Variants in PDE4D observed in about 807,000 individuals in gnomAD.
PDE4D encodes the protein 3',5'-cyclic-AMP phosphodiesterase 4D.
A neutral mutation model predicts 87.4 loss-of-function variants in PDE4D; 24 were observed. That is an observed-to-expected ratio of 0.27 (90% confidence interval 0.20 to 0.39). PDE4D has a LOEUF of 0.39. Among genes scored for constraint, PDE4D ranks in the 10% least tolerant of loss-of-function variants. The pLI, the probability that PDE4D is intolerant of heterozygous loss-of-function variation, is 1.00. For synonymous variants in PDE4D, 384 were observed against 383.2 expected, an observed-to-expected ratio of 1.00 and a Z score of -0.02; for missense variants, 714 against 1,041.0, an observed-to-expected ratio of 0.69 and a Z score of 4.32.
At chr5:59,573,523 A>T (rs1178189073) in intron 1 of PDE4D, among the ~76,000 whole-genome samples, 2 of 152,084 alleles carry the variant, frequency 1.3e-5, no homozygotes, top group Non-Finnish European at 2.9e-5. Flanking sequence ...TCCCAGGGCG[A>T]ATTTTCCTCA....
chr5:59,232,900 C>T (rs115652216), intron 1 of PDE4D, among the ~76,000 whole-genome samples: 1,800 of 151,940 alleles, frequency 0.012, 8 homozygotes, highest in Non-Finnish European at 0.02. Flanking sequence ...TTTGCAGCAA[C>T]ATGAATTGAC....
intron 3 of PDE4D, among the ~76,000 whole-genome samples, chr5:59,970,101 A>T (rs1033120475): frequency 6.6e-6 from 1 of 152,214 alleles, no homozygotes; most frequent in Non-Finnish European, 1.5e-5. Flanking sequence ...CAACGCTGAT[A>T]AATTTAGCAC....
intron 1 of PDE4D, among the ~76,000 whole-genome samples, chr5:59,728,899 AT>A (rs1235879910): frequency 3.3e-5 from 5 of 151,972 alleles, no homozygotes; most frequent in African/African-American, 9.7e-5. Context: ...TGTGAAAAAA[AT>A]ATTTTATGTT....
intron 1 of PDE4D, among the ~76,000 whole-genome samples, chr5:60,468,871 A>T (rs995034560): frequency 2.6e-5 from 4 of 151,754 alleles, no homozygotes; most frequent in African/African-American, 9.7e-5. Context: ...TCTTCCTGAG[A>T]CCAATCCCTC....
At chr5:59,112,278 A>T (rs1115729) in intron 5 of PDE4D, among the ~76,000 whole-genome samples, 45,525 of 152,022 alleles carry the variant, frequency 0.3, 7,505 homozygotes, top group Middle Eastern at 0.43. Flanking sequence ...GAGAAAGAAG[A>T]GTTAAAAAGA....
chr5:59,069,194 C>T (rs1211791139), intron 5 of PDE4D, among the ~76,000 whole-genome samples: 10 of 152,178 alleles, frequency 6.6e-5, no homozygotes, highest in Admixed American at 4.6e-4. Flanking sequence ...CCATCTTCCT[C>T]CTTATACCTC....
At chr5:60,192,418 AT>A (rs1261261846) in intron 1 of PDE4D, among the ~76,000 whole-genome samples, 2 of 152,174 alleles carry the variant, frequency 1.3e-5, no homozygotes, top group Non-Finnish European at 1.5e-5. Flanking sequence ...ACACTTTTAT[AT>A]CATAATTCAG....
chr5:60,476,420 AG>A (rs1341453477), intron 1 of PDE4D, among the ~76,000 whole-genome samples: 1 of 152,122 alleles, frequency 6.6e-6, no homozygotes, highest in Non-Finnish European at 1.5e-5. Flanking sequence ...CTCCTAACAC[AG>A]CCCCTGCCAT....
At chr5:59,426,548 A>C (rs759756027) in intron 1 of PDE4D, among the ~76,000 whole-genome samples, 5 of 152,116 alleles carry the variant, frequency 3.3e-5, no homozygotes, top group Non-Finnish European at 5.9e-5. Context: ...AGCACAGAGC[A>C]GGCAGCAAGG....
intron 2 of PDE4D, among the ~76,000 whole-genome samples, chr5:60,137,178 A>T (rs1369729764): frequency 1.3e-4 from 20 of 152,172 alleles, no homozygotes; most frequent in Admixed American, 1.3e-3. Context: ...CATGGTGTAT[A>T]TGTACCACAT....
At chr5:59,606,604 T>C (rs1303845854) in intron 1 of PDE4D, among the ~76,000 whole-genome samples, 1 of 152,100 alleles carries the variant, frequency 6.6e-6, no homozygotes, top group Non-Finnish European at 1.5e-5. Context: ...ACCAGAATTG[T>C]CCTGTGGATT....
rs1464915443 is a variant in PDE4D, at chr5:58,975,130, C to T, written c.2014-50G>A. 1.7e-6 allele frequency: 2 copies of T among 1,156,552 alleles called. No homozygotes were observed. Among genetic ancestry groups the T allele is most frequent in the Admixed American group, 3.0e-5 (1 of 33,130 alleles). The allele number at this position is 1,156,552 out of a possible 1,614,324, so 71.6% of individuals were successfully genotyped here. A position where few individuals can be genotyped will look rare whatever the true frequency, so the allele number is the denominator to read the frequency against. ...GAGTAGAGGACTTGGGACTAAGAAA[C>T]AATGGAAAAGCTTAATTAGATCATG... On this transcript the variant is annotated intron_variant, in intron 14 of 14. Coordinates refer to ENST00000340635, the MANE Select transcript of PDE4D (RefSeq NM_001104631.2). The surrounding 1 kb of genome is among the most constrained non-coding windows in gnomAD (Gnocchi z 4.2).
intron 1 of PDE4D, among the ~76,000 whole-genome samples, chr5:59,279,273 T>A (rs1765378729): frequency 1.3e-5 from 2 of 152,162 alleles, no homozygotes; most frequent in South Asian, 4.1e-4. Context: ...CTGCAGTTTT[T>A]ACAGTTTCCT....
At chr5:60,454,894 T>A in intron 1 of PDE4D, among the ~76,000 whole-genome samples, 1 of 149,388 alleles carries the variant, frequency 6.7e-6, no homozygotes, top group Non-Finnish European at 1.5e-5. Context: ...GAGCGGGGAG[T>A]GTAAACAAGA....
chr5:59,359,009 A>G (rs1781810631), intron 1 of PDE4D, among the ~76,000 whole-genome samples: 1 of 152,222 alleles, frequency 6.6e-6, no homozygotes, highest in Admixed American at 6.5e-5. Flanking sequence ...AGCAGTATAC[A>G]TTTTCACAAA....
chr5:60,380,630 A>G (rs1761785938), intron 1 of PDE4D, among the ~76,000 whole-genome samples: 1 of 152,212 alleles, frequency 6.6e-6, no homozygotes, highest in Non-Finnish European at 1.5e-5. Context: ...TGTTTTAGCA[A>G]GTGATACCAA....
chr5:59,224,949 G>A (rs768723569), intron 1 of PDE4D, among the ~76,000 whole-genome samples: 5 of 152,080 alleles, frequency 3.3e-5, no homozygotes, highest in African/African-American at 1.2e-4. Context: ...TTTGTTATGC[G>A]GCCTGAGTTG....
chr5:59,487,226 A>T (rs1447178535), intron 1 of PDE4D, among the ~76,000 whole-genome samples: 1 of 152,184 alleles, frequency 6.6e-6, no homozygotes, highest in Non-Finnish European at 1.5e-5. Context: ...CTTTTTCAGG[A>T]TAAGAAATGC....
intron 5 of PDE4D, chr5:59,091,268 T>A (rs1467779911): frequency 5.4e-6 from 2 of 368,382 alleles, no homozygotes; most frequent in African/African-American, 4.3e-5. Flanking sequence ...GACCCATGAA[T>A]CCACTCCTAG....
Sources: allele counts gnomAD v4.1 joint callset (sites outside exome capture counted in the v4.1 genomes callset), GRCh38; gene constraint gnomAD v4.1.1; non-coding constraint Gnocchi (gnomAD v3.1); transcripts MANE v1.5; gene names NCBI Gene and HGNC (gene_info 2026-07-23, HGNC 2026-07-21).